The following CNTN5 variants were observed in gnomAD, a reference collection of about 807,000 sequenced individuals.
CNTN5 encodes contactin-5.
A neutral mutation model predicts 129.1 loss-of-function variants in CNTN5; 77 were observed. The ratio of observed to expected loss-of-function variants is 0.60; its 90% CI spans 0.50 to 0.72. CNTN5 has a LOEUF of 0.72. Ranked by LOEUF, CNTN5 falls within the 30% of genes least tolerant of loss-of-function variation. CNTN5 has a pLI of 0.00. For synonymous variants in CNTN5, 509 were observed against 465.6 expected (o/e 1.09, Z -1.20); for missense variants, 1,478 against 1,328.8 (o/e 1.11, Z -1.75).
At chr11:99,947,510 T>C (rs565641396) in intron 7 of CNTN5, among the ~76,000 whole-genome samples, 42 of 152,156 alleles carry the variant, frequency 2.8e-4, no homozygotes, top group Non-Finnish European at 5.6e-4. Flanking sequence ...GAAGGATTAA[T>C]GAGCATTAGT....
At chr11:99,290,645 T>C (rs17133390) in intron 1 of CNTN5, among the ~76,000 whole-genome samples, 14,835 of 151,888 alleles carry the variant, frequency 0.098, 1,565 homozygotes, top group East Asian at 0.46. Flanking sequence ...TTATGTAAGA[T>C]ATAATGAGAC....
chr11:99,430,736 G>A (rs368235955), intron 2 of CNTN5, among the ~76,000 whole-genome samples: 4 of 151,760 alleles, frequency 2.6e-5, no homozygotes, highest in Non-Finnish European at 5.9e-5. Context: ...CAAAAGGTTG[G>A]GGGGGCGGGG....
intron 15 of CNTN5, among the ~76,000 whole-genome samples, chr11:100,206,716 C>T (rs17094617): frequency 0.04 from 6,053 of 152,000 alleles, 185 homozygotes; most frequent in East Asian, 0.16. Context: ...AAATGTACTT[C>T]GGGAAAACAG....
intron 1 of CNTN5, among the ~76,000 whole-genome samples, chr11:99,300,291 T>C (rs1288178365): frequency 6.6e-6 from 1 of 152,144 alleles, no homozygotes; most frequent in Admixed American, 6.5e-5. Flanking sequence ...GAAATACGTT[T>C]CTTCTCATGC....
intron 3 of CNTN5, among the ~76,000 whole-genome samples, chr11:99,674,781 T>C (rs1953199889): frequency 6.6e-6 from 1 of 152,142 alleles, no homozygotes; most frequent in Admixed American, 6.6e-5. Flanking sequence ...ACTTGCCTAA[T>C]AACACCATCT....
intron 3 of CNTN5, among the ~76,000 whole-genome samples, chr11:99,759,905 A>T (rs1944523650): frequency 6.6e-6 from 1 of 152,152 alleles, no homozygotes; most frequent in Non-Finnish European, 1.5e-5. Flanking sequence ...ATAGTCATGT[A>T]ACTGACAGAG....
At chr11:99,116,061 C>A (rs576455230) in intron 1 of CNTN5, among the ~76,000 whole-genome samples, 58 of 152,284 alleles carry the variant, frequency 3.8e-4, no homozygotes, top group African/African-American at 1.4e-3. Context: ...GATCAACTTT[C>A]CCTCCAGCAG....
At chr11:99,274,812 C>T (rs142302209) in intron 1 of CNTN5, among the ~76,000 whole-genome samples, 2 of 151,348 alleles carry the variant, frequency 1.3e-5, no homozygotes, top group South Asian at 2.1e-4. Flanking sequence ...AATACTGCCT[C>T]CCAGATGCTG....
chr11:99,566,479 C>A (rs1044876564), intron 3 of CNTN5, among the ~76,000 whole-genome samples: 5 of 152,102 alleles, frequency 3.3e-5, no homozygotes, highest in African/African-American at 1.2e-4. Context: ...CTTTTCCCAG[C>A]GTGTTTTGTC....
chr11:100,019,295 G>A (rs1940998807), intron 9 of CNTN5, among the ~76,000 whole-genome samples: 1 of 151,830 alleles, frequency 6.6e-6, no homozygotes, highest in African/African-American at 2.4e-5. Context: ...TTAAGTCTCT[G>A]CTGTATTTTG....
intron 13 of CNTN5, among the ~76,000 whole-genome samples, chr11:100,115,030 C>CA (rs2138135191): frequency 7.0e-6 from 1 of 143,192 alleles, no homozygotes; most frequent in South Asian, 2.2e-4. Context: ...CACCACCAGT[C>CA]AGTTTCTTTA....
intron 3 of CNTN5, among the ~76,000 whole-genome samples, chr11:99,720,153 G>T (rs1943123651): frequency 6.6e-6 from 1 of 151,980 alleles, no homozygotes; most frequent in Non-Finnish European, 1.5e-5. Context: ...GAGGAGGAGG[G>T]ACTCCTCCAC....
intron 8 of CNTN5, among the ~76,000 whole-genome samples, chr11:99,982,851 C>T (rs1201816529): frequency 6.6e-6 from 1 of 152,078 alleles, no homozygotes; most frequent in Admixed American, 6.6e-5. Context: ...CCGTATTAGC[C>T]AGGATGGTCT....
Position 99,844,899 on chromosome 11 carries a change from A to G in CNTN5, c.325A>G (p.Ile109Val). ...TTTTGTGCAAGAACCAGATGATATT[A>G]TTTTTCCAACTGATTCTGATGAAAA... ...PVFVQEPDDI[I>V]FPTDSDEKKV... The change falls in exon 5 of 25, where the codon ATT (isoleucine) becomes GTT (valine). Residue 109 changes from isoleucine to valine, a missense_variant. Ile to Val is a conservative substitution (Grantham distance 29, BLOSUM62 3). Transcript: ENST00000524871. 1 of 1,613,772 alleles carries G rather than the reference A, an allele frequency of 6.2e-7. No individual in the cohort carries two copies. Among genetic ancestry groups the G allele is most frequent in the African/African-American group, 1.3e-5 (1 of 75,020 alleles).
chr11:99,372,296 C>A (rs1352203007), intron 2 of CNTN5, among the ~76,000 whole-genome samples: 2 of 152,050 alleles, frequency 1.3e-5, no homozygotes, highest in South Asian at 2.1e-4. Flanking sequence ...ACCGTTACAT[C>A]ATTATTACTG....
intron 16 of CNTN5, among the ~76,000 whole-genome samples, chr11:100,239,503 G>A (rs1045980234): frequency 6.6e-6 from 1 of 152,080 alleles, no homozygotes; most frequent in Non-Finnish European, 1.5e-5. Context: ...TTTATAAAAT[G>A]TAAATATGCA....
intron 3 of CNTN5, among the ~76,000 whole-genome samples, chr11:99,791,456 T>C (rs1159712228): frequency 4.6e-5 from 7 of 152,142 alleles, no homozygotes; most frequent in African/African-American, 1.7e-4. Context: ...TGGTTGCAGG[T>C]GCATGGCATT....
intron 13 of CNTN5, among the ~76,000 whole-genome samples, chr11:100,088,000 T>G (rs2137973844): frequency 6.6e-6 from 1 of 151,846 alleles, no homozygotes; most frequent in African/African-American, 2.4e-5. Context: ...AACTTGCTCC[T>G]GAATGACTTT....
intron 3 of CNTN5, among the ~76,000 whole-genome samples, chr11:99,600,389 G>A (rs771701047): frequency 1.3e-5 from 2 of 152,170 alleles, no homozygotes; most frequent in African/African-American, 2.4e-5. Context: ...AAAAATTAAT[G>A]TGACACATTT....
Sources: allele counts gnomAD v4.1 joint callset (sites outside exome capture counted in the v4.1 genomes callset), GRCh38; gene constraint gnomAD v4.1.1; transcripts MANE v1.5; gene names NCBI Gene and HGNC (gene_info 2026-07-23, HGNC 2026-07-21).